ENDOD1: variants seen among roughly 807,000 people sequenced by gnomAD.
The protein encoded by ENDOD1 is endonuclease domain-containing 1 protein.
ENDOD1 carries 9 observed loss-of-function variants against 6.5 expected under a neutral mutation model. That is an observed-to-expected ratio of 1.39 (90% CI 0.84 to 2.43). ENDOD1 has a LOEUF of 2.43. Ranked by LOEUF, ENDOD1 falls within the 30% of genes most tolerant of loss-of-function variation. ENDOD1 has a pLI of 0.00. For missense variants in ENDOD1, 648 were observed against 635.5 expected, an observed-to-expected ratio of 1.02 and a Z score of -0.21; for synonymous variants, 255 against 255.2, an observed-to-expected ratio of 1.00 and a Z score of 0.01.
intron 1 of ENDOD1, among the ~76,000 whole-genome samples, chr11:95,120,887 C>A (rs538675177): frequency 8.5e-5 from 13 of 152,198 alleles, no homozygotes; most frequent in Non-Finnish European, 1.8e-4. Context: ...TGGTTTAATG[C>A]TCTCCCTCCG....
intron 1 of ENDOD1, among the ~76,000 whole-genome samples, chr11:95,122,446 TGG>T (rs1859270681): frequency 6.7e-6 from 1 of 148,742 alleles, no homozygotes; most frequent in Non-Finnish European, 1.5e-5. Context: ...GTTGGCAGGC[TGG>T]TCTTGAACTC....
intron 1 of ENDOD1, among the ~76,000 whole-genome samples, chr11:95,123,936 G>GT (rs576899171): frequency 1.9e-4 from 29 of 151,070 alleles, no homozygotes; most frequent in African/African-American, 2.4e-4. Flanking sequence ...ATCCTGTTGG[G>GT]TTTTTTTTTG....
chr11:95,126,399 T>C (rs1859312799), intron 1 of ENDOD1, among the ~76,000 whole-genome samples: 1 of 152,206 alleles, frequency 6.6e-6, no homozygotes, highest in African/African-American at 2.4e-5. Context: ...TAATTAGGTT[T>C]GTATTTTTTT....
rs1385276328 is a variant in ENDOD1, at chr11:95,129,021, G to T, written c.945G>T (p.Leu315=). Residue 315 remains leucine, a synonymous_variant, in exon 2 of 2, where the codon CTG becomes CTT. Transcript: ENST00000278505. The stretch of plus-strand genomic sequence containing the variant: ...GCACCAGGAGCAAGAGGTCTACTCT[G>T]TTGCCTCCAGAGGCATCTGAGGGAA... ...LSSTRSKRST[L]LPPEASEGSS... is the part of the protein sequence containing the mutation. The T allele has an allele frequency of 6.2e-6, 10 of 1,613,824 alleles. No individual in the cohort carries two copies. The highest frequency in any genetic ancestry group is 8.5e-6 in the Non-Finnish European group (10 of 1,179,998).
intron 1 of ENDOD1, among the ~76,000 whole-genome samples, chr11:95,097,084 G>A (rs1413929521): frequency 2.0e-5 from 3 of 150,858 alleles, no homozygotes; most frequent in South Asian, 2.1e-4. Flanking sequence ...GGGCCTGGGA[G>A]GTAGAGGCTG....
At chr11:95,121,242 A>G (rs1027333717) in intron 1 of ENDOD1, among the ~76,000 whole-genome samples, 1 of 152,176 alleles carries the variant, frequency 6.6e-6, no homozygotes, top group Non-Finnish European at 1.5e-5. Flanking sequence ...CTATTCTGCC[A>G]TCTTGCTGTG....
chr11:95,115,745 A>G (rs1195908360), intron 1 of ENDOD1, among the ~76,000 whole-genome samples: 2 of 152,150 alleles, frequency 1.3e-5, no homozygotes, highest in African/African-American at 2.4e-5. Flanking sequence ...AGTTGAGATG[A>G]TAATAAGGTA....
At chr11:95,120,489 A>T (rs536313577) in intron 1 of ENDOD1, among the ~76,000 whole-genome samples, 2 of 152,058 alleles carry the variant, frequency 1.3e-5, no homozygotes, top group Non-Finnish European at 2.9e-5. Context: ...ACGGGGCCTC[A>T]CAACTCTGAC....
chr11:95,114,851 A>G (rs1555112322), intron 1 of ENDOD1, among the ~76,000 whole-genome samples: 2 of 152,168 alleles, frequency 1.3e-5, no homozygotes, highest in South Asian at 2.1e-4. Context: ...CCATTGGTCT[A>G]TGTGTCTGTT....
intron 1 of ENDOD1, among the ~76,000 whole-genome samples, chr11:95,127,039 C>T (rs751497243): frequency 1.4e-4 from 21 of 152,184 alleles, no homozygotes; most frequent in South Asian, 6.2e-4. Context: ...ACATTATTTA[C>T]GAAACCTTTC....
At chr11:95,094,321 G>C (rs1201083641) in intron 1 of ENDOD1, among the ~76,000 whole-genome samples, 3 of 152,084 alleles carry the variant, frequency 2.0e-5, no homozygotes, top group Non-Finnish European at 4.4e-5. Context: ...ACTCATTACT[G>C]ATTACTCTTC....
At position 95,128,466 on chromosome 11, in the gene ENDOD1, G is replaced by A; in HGVS notation, c.390G>A (p.Leu130=). 6.2e-7 allele frequency: 1 copy of A among 1,614,232 alleles called. No homozygotes were observed. The highest frequency in any genetic ancestry group is 8.5e-7 in the Non-Finnish European group (1 of 1,180,040). ...ACAGCCTGGGAAGCAAGCAAGCCTT[G>A]AATACAGATTACCTTGATTCTGATT... ...SVNSLGSKQA[L]NTDYLDSDYQ... The change falls in exon 2 of 2, where the codon TTG becomes TTA. Residue 130 remains leucine (L), a synonymous_variant. Transcript: ENST00000278505.
In ENDOD1 at chr11:95,092,372, G is replaced by A. The variant is rs559085126; in HGVS notation, c.300+2145G>A. On this transcript the variant is annotated intron_variant, in intron 1 of 1. Coordinates refer to ENST00000278505, the MANE Select transcript of ENDOD1 (RefSeq NM_015036.3). ...AGCCATTTATGCAGCTAGGGAAGGAGTGAGTCGTAAAGGAGCATAGTTTGA... is the reference window on the plus strand; with the variant it reads ...AGCCATTTATGCAGCTAGGGAAGGAATGAGTCGTAAAGGAGCATAGTTTGA... 3.9e-5 allele frequency among the ~76,000 whole-genome samples: 6 copies of A among 152,246 alleles called. No individual in the cohort carries two copies. In the South Asian group the frequency reaches 1.0e-3, roughly 26 times the overall value.
chr11:95,126,733 T>C (rs2134175327), intron 1 of ENDOD1, among the ~76,000 whole-genome samples: 1 of 152,354 alleles, frequency 6.6e-6, no homozygotes, highest in East Asian at 1.9e-4. Context: ...CAGGTCGGAG[T>C]GCAGTTGCAC....
chr11:95,098,124 T>C (rs1331579146), intron 1 of ENDOD1, among the ~76,000 whole-genome samples: 1 of 152,008 alleles, frequency 6.6e-6, no homozygotes, highest in Non-Finnish European at 1.5e-5. Context: ...TTGGAACATA[T>C]TGGATTTTGG....
rs2134176927 is a variant in ENDOD1, at chr11:95,129,660, G to C, written c.*81G>C. ...TCTTTACAATGGGTTTCTGTTCACT[G>C]TCAGTTATCATTATATTTTGGCCTT... On this transcript the variant is annotated 3_prime_UTR_variant, in exon 2 of 2. Transcript: ENST00000278505. The C allele has an allele frequency of 6.8e-7, 1 of 1,468,016 alleles. No homozygotes were observed. Among genetic ancestry groups the C allele is most frequent in the East Asian group, 2.3e-5 (1 of 43,858 alleles). The allele number at this position is 1,468,016 out of a possible 1,614,324, so 90.9% of individuals were successfully genotyped here. A position where few individuals can be genotyped will look rare whatever the true frequency, so the allele number is the denominator to read the frequency against.
chr11:95,106,837 G>A (rs1160318410), intron 1 of ENDOD1, among the ~76,000 whole-genome samples: 3 of 151,658 alleles, frequency 2.0e-5, no homozygotes, highest in South Asian at 4.2e-4. Context: ...CCTTTCCCCC[G>A]TCAGCATCAC....
intron 1 of ENDOD1, among the ~76,000 whole-genome samples, chr11:95,122,846 G>C (rs1443580521): frequency 3.3e-5 from 5 of 152,202 alleles, no homozygotes; most frequent in Non-Finnish European, 5.9e-5. Flanking sequence ...AGATAGCATA[G>C]TGAGCAAATG....
intron 1 of ENDOD1, among the ~76,000 whole-genome samples, chr11:95,124,686 A>G (rs990224124): frequency 2.6e-5 from 4 of 152,206 alleles, no homozygotes; most frequent in Admixed American, 6.5e-5. Flanking sequence ...CTTATTTGCC[A>G]TGTAAGTGTA....
Sources: gnomAD v4.1 joint callset for allele counts (sites outside exome capture counted in the v4.1 genomes callset) on GRCh38, gnomAD v4.1.1 for gene constraint, MANE v1.5 for transcripts, NCBI Gene and HGNC (gene_info 2026-07-23, HGNC 2026-07-21) for gene names.